The following OR14A2 variants were observed in gnomAD, a reference collection of about 807,000 sequenced individuals.
OR14A2 encodes olfactory receptor 14A2.
For synonymous variants in OR14A2, 114 were observed against 58.6 expected, an observed-to-expected ratio of 1.95 and a Z score of -4.32; for missense variants, 237 against 152.9, an observed-to-expected ratio of 1.55 and a Z score of -2.90.
the OR14A2 span, among the ~76,000 whole-genome samples, chr1:247,736,604 G>GGA: frequency 6.6e-6 from 1 of 152,152 alleles, no homozygotes. Flanking sequence ...ATCTAGCATT[G>GGA]GAGTCAAACA....
chr1:247,746,311 C>T, the OR14A2 span: 1 of 152,108 alleles, frequency 6.6e-6, no homozygotes, highest in Non-Finnish European at 1.5e-5. Context: ...TCGAAGCCCA[C>T]AATAGTCATA....
the OR14A2 span, among the ~76,000 whole-genome samples, chr1:247,745,985 C>T: frequency 6.6e-6 from 1 of 152,138 alleles, no homozygotes; most frequent in African/African-American, 2.4e-5. Flanking sequence ...ATTTACTTAA[C>T]CAATTAGGAG....
chr1:247,735,432 A>T, the OR14A2 span, among the ~76,000 whole-genome samples: 2 of 152,196 alleles, frequency 1.3e-5, no homozygotes, highest in Admixed American at 1.3e-4. Context: ...TGGATGCAAT[A>T]AATAAAGGTT....
At chr1:247,738,957 G>T in the OR14A2 span, 244 of 780,602 alleles carry the variant, frequency 3.1e-4, 2 homozygotes, top group South Asian at 2.9e-3. Context: ...CATCCTTACT[G>T]CCATGTCCTA....
chr1:247,747,912 T>G, the OR14A2 span, among the ~76,000 whole-genome samples: 1 of 152,170 alleles, frequency 6.6e-6, no homozygotes, highest in African/African-American at 2.4e-5. Context: ...CTCCAAAATA[T>G]CCTATGGTTC....
At chr1:247,723,212 C>T in exon 1 of OR14A2, 3 of 717,694 alleles carry the variant, frequency 4.2e-6, no homozygotes, top group Non-Finnish European at 7.8e-6. Context: ...GGAGGCATCA[C>T]AGTGTAGATC....
chr1:247,740,583 G>A, the OR14A2 span, among the ~76,000 whole-genome samples: 1 of 152,104 alleles, frequency 6.6e-6, no homozygotes, highest in Non-Finnish European at 1.5e-5. Flanking sequence ...CTTTCATAAT[G>A]TATTAGAATT....
the OR14A2 span, chr1:247,747,069 T>C: frequency 2.6e-5 from 4 of 152,214 alleles, no homozygotes; most frequent in Admixed American, 2.6e-4. Flanking sequence ...TCAATTGAGA[T>C]TTGAGTTCAT....
chr1:247,736,436 A>G, the OR14A2 span, among the ~76,000 whole-genome samples: 35 of 152,166 alleles, frequency 2.3e-4, no homozygotes, highest in African/African-American at 7.0e-4. Context: ...CCTGGACCAA[A>G]TAAGTATATA....
At chr1:247,738,054 C>A in the OR14A2 span, among the ~76,000 whole-genome samples, 3 of 152,040 alleles carry the variant, frequency 2.0e-5, no homozygotes, top group Non-Finnish European at 4.4e-5. Context: ...AAAAATGATA[C>A]TATAATCACA....
chr1:247,734,265 C>T, the OR14A2 span, among the ~76,000 whole-genome samples: 1 of 152,144 alleles, frequency 6.6e-6, no homozygotes, highest in African/African-American at 2.4e-5. Flanking sequence ...GAGGAAGAGG[C>T]AGCAAGACAG....
chr1:247,742,129 T>C, the OR14A2 span, among the ~76,000 whole-genome samples: 4 of 152,374 alleles, frequency 2.6e-5, no homozygotes, highest in African/African-American at 9.6e-5. Context: ...TATGGGTTTA[T>C]GGAAAAGTCT....
upstream of OR14A2, among the ~76,000 whole-genome samples, chr1:247,725,725 C>T (rs950289338): frequency 3.9e-5 from 5 of 127,312 alleles, no homozygotes; most frequent in African/African-American, 1.5e-4. Flanking sequence ...TATTCCCCTT[C>T]CTGTGTCCAT....
the OR14A2 span, among the ~76,000 whole-genome samples, chr1:247,729,198 G>T: frequency 6.6e-6 from 1 of 152,102 alleles, no homozygotes; most frequent in African/African-American, 2.4e-5. Context: ...CTTGTTAAGT[G>T]ATTATCTCTT....
chr1:247,739,757 C>T, the OR14A2 span, among the ~76,000 whole-genome samples: 4 of 151,522 alleles, frequency 2.6e-5, no homozygotes, highest in Non-Finnish European at 4.4e-5. Context: ...AATTTTGAGA[C>T]GGAATCTCTC....
chr1:247,727,092 G>T (rs1301723681), upstream of OR14A2, among the ~76,000 whole-genome samples: 1 of 150,666 alleles, frequency 6.6e-6, no homozygotes, highest in Admixed American at 6.6e-5. Context: ...AGCTTGATGG[G>T]GATGGCATTG....
chr1:247,723,041 A>G (rs979442630), downstream of OR14A2: 1 of 624,136 alleles, frequency 1.6e-6, no homozygotes, highest in Non-Finnish European at 2.9e-6. Context: ...AAAGTTACAA[A>G]TAAGGAAAGT....
chr1:247,733,912 A>G, the OR14A2 span, among the ~76,000 whole-genome samples: 1 of 152,214 alleles, frequency 6.6e-6, no homozygotes, highest in South Asian at 2.1e-4. Context: ...ATTTTGAGAA[A>G]TCTACAAAAC....
the OR14A2 span, chr1:247,738,841 T>G: frequency 2.6e-6 from 2 of 780,634 alleles, no homozygotes; most frequent in Non-Finnish European, 4.8e-6. Context: ...TCTGCCACAG[T>G]CCCCAAATCC....
Sources: gnomAD v4.1 joint callset for allele counts (sites outside exome capture counted in the v4.1 genomes callset) on GRCh38, gnomAD v4.1.1 for gene constraint, MANE v1.5 for transcripts, NCBI Gene and HGNC (gene_info 2026-07-23, HGNC 2026-07-21) for gene names.